The following TLL2 variants were observed in gnomAD, a reference collection of about 807,000 sequenced individuals.
TLL2 encodes the protein tolloid-like protein 2.
Under a neutral mutation model 123.0 loss-of-function variants are expected in TLL2, and 106 were observed. That is an observed-to-expected ratio of 0.86 (90% CI 0.74 to 1.01). The LOEUF is 1.01. TLL2 is among the 50% of genes least tolerant of loss of function. TLL2 has a pLI of 0.00. For synonymous variants in TLL2, 494 were observed against 516.8 expected, an observed-to-expected ratio of 0.96 and a Z score of 0.60; for missense variants, 1,332 against 1,336.7, an observed-to-expected ratio of 1.00 and a Z score of 0.06.
intron 2 of TLL2, 26 bp from the exon 3 acceptor site, chr10:96,446,194 AT>A: frequency 6.2e-7 from 1 of 1,610,516 alleles, no homozygotes; most frequent in Non-Finnish European, 8.5e-7. Flanking sequence ...AGAAAGAGGC[AT>A]GAGGACACAT....
chr10:96,476,240 A>ATATATTTTTT, intron 2 of TLL2, among the ~76,000 whole-genome samples: 1 of 20,498 alleles, frequency 4.9e-5, no homozygotes, highest in African/African-American at 1.7e-4. Context: ...ATATATATAT[A>ATATATTTTTT]TTTTATTTTT....
At chr10:96,513,437 T>G in intron 1 of TLL2, 74 bp downstream of exon 1, 3 of 1,589,950 alleles carry the variant, frequency 1.9e-6, no homozygotes, top group Non-Finnish European at 2.6e-6. Context: ...TAGACGGTAG[T>G]GCAGGCTTGC....
intron 13 of TLL2, among the ~76,000 whole-genome samples, chr10:96,394,331 T>C (rs1846317324): frequency 1.3e-5 from 2 of 152,044 alleles, no homozygotes. Flanking sequence ...CCCAATGCAG[T>C]GGGGAGCAGC....
chr10:96,453,828 C>T (rs1006258715), intron 2 of TLL2, among the ~76,000 whole-genome samples: 1 of 152,138 alleles, frequency 6.6e-6, no homozygotes, highest in Non-Finnish European at 1.5e-5. Context: ...GGATGGAAAT[C>T]ACCACACTGT....
At chr10:96,435,339 T>C (rs1480766586) in intron 3 of TLL2, among the ~76,000 whole-genome samples, 1 of 152,210 alleles carries the variant, frequency 6.6e-6, no homozygotes, top group Non-Finnish European at 1.5e-5. Flanking sequence ...TGTGTTATAA[T>C]TAGTCTTTAT....
Position 96,506,125 on chromosome 10 carries a change from G to A in TLL2, c.175+7386C>T, listed in dbSNP as rs183260552. Among the ~76,000 whole-genome samples the A allele has an allele frequency of 4.3e-3, 655 of 151,796 alleles. 4 individuals carry two copies. The highest frequency in any genetic ancestry group is 0.02 in the Middle Eastern group (6 of 294). On this transcript the variant is annotated intron_variant, in intron 1 of 20. Coordinates refer to ENST00000357947, the MANE Select transcript of TLL2 (RefSeq NM_012465.4). ...AAATTAGCCAGGCATGGTGGCGGGC[G>A]TCTGTAATCCCAGCTACTCAGGAGG... is the stretch of plus-strand genomic sequence containing the variant.
At chr10:96,460,448 G>C (rs11188771) in intron 2 of TLL2, among the ~76,000 whole-genome samples, 24,460 of 152,092 alleles carry the variant, frequency 0.16, 2,342 homozygotes, top group East Asian at 0.29. Context: ...ATATGGTTTG[G>C]CTTTGTGTCC....
intron 1 of TLL2, among the ~76,000 whole-genome samples, chr10:96,503,562 G>A (rs1175941673): frequency 1.3e-5 from 2 of 152,196 alleles, no homozygotes; most frequent in Admixed American, 6.5e-5. Flanking sequence ...TATCAGCCAA[G>A]CCTCCTTGGG....
chr10:96,393,126 C>G (rs1326317042), intron 13 of TLL2, among the ~76,000 whole-genome samples: 1 of 152,224 alleles, frequency 6.6e-6, no homozygotes, highest in Non-Finnish European at 1.5e-5. Flanking sequence ...TCCCTTAGAA[C>G]CTCAAGAAGG....
At chr10:96,404,243 G>A (rs567650477) in intron 10 of TLL2, among the ~76,000 whole-genome samples, 57 of 144,924 alleles carry the variant, frequency 3.9e-4, no homozygotes, top group Admixed American at 2.8e-3. Context: ...ATACCCACAG[G>A]TGTGGAGGGG....
chr10:96,376,865 G>A, intron 17 of TLL2, 46 bp from the exon 18 acceptor site: 2 of 1,479,378 alleles, frequency 1.4e-6, no homozygotes, highest in Non-Finnish European at 1.8e-6. Flanking sequence ...GTCATTCACT[G>A]TGGGCAGCAC....
intron 1 of TLL2, among the ~76,000 whole-genome samples, chr10:96,494,118 C>T (rs1021167706): frequency 2.6e-5 from 4 of 152,212 alleles, no homozygotes; most frequent in African/African-American, 7.2e-5. Flanking sequence ...GGGGACAGCC[C>T]GGGCGGCTGC....
intron 2 of TLL2, among the ~76,000 whole-genome samples, chr10:96,476,240 A>ATTTTTTTTTTTTTT (rs1554939630): frequency 2.0e-4 from 4 of 20,494 alleles, no homozygotes; most frequent in African/African-American, 5.2e-4. Context: ...ATATATATAT[A>ATTTTTTTTTTTTTT]TTTTATTTTT....
At chr10:96,462,950 CAAG>C (rs1199281671) in intron 2 of TLL2, among the ~76,000 whole-genome samples, 1 of 152,158 alleles carries the variant, frequency 6.6e-6, no homozygotes, top group Non-Finnish European at 1.5e-5. Context: ...TGAGTTGAAA[CAAG>C]AAGGCAGATC....
At chr10:96,485,833 T>A (rs891994575) in intron 1 of TLL2, among the ~76,000 whole-genome samples, 2 of 152,192 alleles carry the variant, frequency 1.3e-5, no homozygotes, top group African/African-American at 4.8e-5. Flanking sequence ...GGTTTCCCAC[T>A]TCCCTGAAGA....
chr10:96,383,927 G>A (rs922008110), intron 16 of TLL2, among the ~76,000 whole-genome samples: 4 of 152,092 alleles, frequency 2.6e-5, no homozygotes, highest in South Asian at 2.1e-4. Context: ...CACCACGCCC[G>A]GCCTAAACCT....
At chr10:96,471,809 G>A (rs1192708877) in intron 2 of TLL2, among the ~76,000 whole-genome samples, 1 of 152,080 alleles carries the variant, frequency 6.6e-6, no homozygotes, top group Non-Finnish European at 1.5e-5. Context: ...CAACAGTGGG[G>A]AGGCACACCA....
chr10:96,472,514 T>C (rs537414280), intron 2 of TLL2, among the ~76,000 whole-genome samples: 1 of 152,156 alleles, frequency 6.6e-6, no homozygotes, highest in African/African-American at 2.4e-5. Context: ...ATAATCCCAA[T>C]ACTTTGGGAG....
intron 2 of TLL2, among the ~76,000 whole-genome samples, chr10:96,467,519 C>CACCA (rs1267972926): frequency 6.6e-6 from 1 of 152,146 alleles, no homozygotes; most frequent in Non-Finnish European, 1.5e-5. Flanking sequence ...AGCTGTGAGC[C>CACCA]ACCATGCCTG....
Sources: gnomAD v4.1 joint callset for allele counts (sites outside exome capture counted in the v4.1 genomes callset) on GRCh38, gnomAD v4.1.1 for gene constraint, MANE v1.5 for transcripts, NCBI Gene and HGNC (gene_info 2026-07-23, HGNC 2026-07-21) for gene names.